The following GSG1L variants were observed in gnomAD, a reference collection of about 807,000 sequenced individuals.
GSG1L encodes germ cell-specific gene 1-like protein.
GSG1L carries 24 observed loss-of-function variants against 42.1 expected under a neutral mutation model. The observed-to-expected ratio is 0.57, with a 90% CI of 0.41 to 0.80. The LOEUF (loss-of-function observed/expected upper bound fraction) is 0.80, where lower values mean the gene tolerates loss of function less well. GSG1L is among the 30% of genes least tolerant of loss of function. The pLI, the probability that GSG1L is intolerant of heterozygous loss-of-function variation, is 0.00. For missense variants in GSG1L, 445 were observed against 472.2 expected, an observed-to-expected ratio of 0.94 and a Z score of 0.53; for synonymous variants, 215 against 203.5, an observed-to-expected ratio of 1.06 and a Z score of -0.48.
At chr16:28,023,270 A>C (rs183851477) in intron 1 of GSG1L, among the ~76,000 whole-genome samples, 2 of 152,286 alleles carry the variant, frequency 1.3e-5, no homozygotes, top group East Asian at 3.9e-4. Context: ...AATAAGTCTA[A>C]TCCATTTGTC....
chr16:27,938,786 G>A (rs913222666), intron 2 of GSG1L, among the ~76,000 whole-genome samples: 6 of 152,190 alleles, frequency 3.9e-5, no homozygotes, highest in East Asian at 3.8e-4. Flanking sequence ...TGAGCAGAAC[G>A]TCCCTGATTC....
intron 2 of GSG1L, 28 bp downstream of exon 2, chr16:27,963,128 G>T: frequency 6.2e-7 from 1 of 1,601,554 alleles, no homozygotes; most frequent in African/African-American, 1.3e-5. Flanking sequence ...GAGCAGAGCT[G>T]CCACAGCTCA....
At chr16:27,935,253 G>C (rs2084701182) in intron 2 of GSG1L, among the ~76,000 whole-genome samples, 1 of 152,126 alleles carries the variant, frequency 6.6e-6, no homozygotes, top group Non-Finnish European at 1.5e-5. Context: ...AGAGGTCCCT[G>C]TGGGTCCCCA....
chr16:27,885,816 C>T (rs899701020), intron 2 of GSG1L, among the ~76,000 whole-genome samples: 1 of 152,216 alleles, frequency 6.6e-6, no homozygotes, highest in Non-Finnish European at 1.5e-5. Flanking sequence ...CACTCCTGTC[C>T]TTCCAGGAGT....
chr16:27,847,491 G>C (rs574989754), intron 3 of GSG1L, among the ~76,000 whole-genome samples: 1 of 152,212 alleles, frequency 6.6e-6, no homozygotes, highest in South Asian at 2.1e-4. Flanking sequence ...AGTCCAGGGG[G>C]GCTAAGAATT....
chr16:27,860,586 G>A (rs2083636267), intron 3 of GSG1L, among the ~76,000 whole-genome samples: 1 of 152,254 alleles, frequency 6.6e-6, no homozygotes. Context: ...CCATTGGGGA[G>A]TTTCTGATCC....
intron 4 of GSG1L, among the ~76,000 whole-genome samples, chr16:27,832,196 C>G (rs2083281274): frequency 6.6e-6 from 1 of 152,148 alleles, no homozygotes; most frequent in Non-Finnish European, 1.5e-5. Context: ...GATTCACAAA[C>G]AGCTGTAAGA....
At chr16:27,802,954 GTC>G (rs2144415977) in intron 6 of GSG1L, among the ~76,000 whole-genome samples, 1 of 152,066 alleles carries the variant, frequency 6.6e-6, no homozygotes, top group East Asian at 1.9e-4. Flanking sequence ...GCACCTGCCT[GTC>G]TCTCTGCCAC....
chr16:27,947,400 G>T (rs1196477330), intron 2 of GSG1L, among the ~76,000 whole-genome samples: 2 of 139,112 alleles, frequency 1.4e-5, no homozygotes, highest in African/African-American at 5.7e-5. Context: ...AAGAAAGAAA[G>T]AAAGAAAGAA....
At chr16:27,842,104 TCG>T in intron 4 of GSG1L, among the ~76,000 whole-genome samples, 2 of 118,166 alleles carry the variant, frequency 1.7e-5, no homozygotes, top group South Asian at 2.8e-4. Flanking sequence ...TAGCACGATG[TCG>T]CGCGTGCCGA....
intron 2 of GSG1L, among the ~76,000 whole-genome samples, chr16:27,943,576 T>C (rs1433788935): frequency 7.7e-6 from 1 of 129,520 alleles, no homozygotes; most frequent in African/African-American, 2.9e-5. Flanking sequence ...CTTTTTTTTT[T>C]TTTTTTTTTT....
intron 1 of GSG1L, among the ~76,000 whole-genome samples, chr16:28,061,519 G>T (rs739591): frequency 6.6e-6 from 1 of 151,800 alleles, no homozygotes; most frequent in African/African-American, 2.4e-5. Context: ...GGAAGCCTCC[G>T]GTTCATCATC....
At chr16:27,864,881 C>T (rs2083696218) in intron 3 of GSG1L, among the ~76,000 whole-genome samples, 1 of 152,208 alleles carries the variant, frequency 6.6e-6, no homozygotes, top group Non-Finnish European at 1.5e-5. Context: ...CCACCTCCAA[C>T]ACCACAACTC....
At chr16:28,032,565 C>T (rs78550427) in intron 1 of GSG1L, among the ~76,000 whole-genome samples, 6,643 of 152,296 alleles carry the variant, frequency 0.044, 471 homozygotes, top group African/African-American at 0.15. Context: ...TCCCTGTCTA[C>T]TTGACATTGC....
chr16:28,008,166 G>A (rs1015605540), intron 1 of GSG1L, among the ~76,000 whole-genome samples: 7 of 151,926 alleles, frequency 4.6e-5, no homozygotes, highest in Non-Finnish European at 8.8e-5. Flanking sequence ...TGCAACCTCC[G>A]CCTTCTGGGT....
intron 1 of GSG1L, among the ~76,000 whole-genome samples, chr16:27,993,962 C>T (rs554484600): frequency 6.6e-6 from 1 of 152,332 alleles, no homozygotes. Context: ...GACACCCAGG[C>T]CTCATCCATT....
chr16:27,891,478 A>G (rs2141032879), intron 2 of GSG1L, among the ~76,000 whole-genome samples: 1 of 151,914 alleles, frequency 6.6e-6, no homozygotes, highest in African/African-American at 2.4e-5. Flanking sequence ...TTAATTATTC[A>G]TTTTTGAGAC....
chr16:27,923,356 T>G (rs1488107803), intron 2 of GSG1L, among the ~76,000 whole-genome samples: 1 of 151,960 alleles, frequency 6.6e-6, no homozygotes, highest in African/African-American at 2.4e-5. Flanking sequence ...CCAAACACCT[T>G]TTGTCAAAGT....
At chr16:28,021,673 C>G (rs946049610) in intron 1 of GSG1L, among the ~76,000 whole-genome samples, 4 of 152,198 alleles carry the variant, frequency 2.6e-5, no homozygotes, top group African/African-American at 9.7e-5. Context: ...CTTTAGAACT[C>G]TTCTGTCCCT....
Sources: allele counts gnomAD v4.1 joint callset (sites outside exome capture counted in the v4.1 genomes callset), GRCh38; gene constraint gnomAD v4.1.1; transcripts MANE v1.5; gene names NCBI Gene and HGNC (gene_info 2026-07-23, HGNC 2026-07-21).